Variants in COL5A2 observed in about 807,000 individuals in gnomAD.
The protein encoded by COL5A2 is collagen alpha-2(V) chain.
COL5A2 carries 23 observed loss-of-function variants against 208.2 expected under a neutral mutation model. That is an observed-to-expected ratio of 0.11 (90% CI 0.08 to 0.16). The LOEUF is 0.16. Among genes scored for constraint, COL5A2 ranks in the 10% least tolerant of loss-of-function variants. The probability of loss-of-function intolerance (pLI) is 1.00; values close to 1 mark genes in which losing one functional copy is unlikely to be tolerated. For missense variants in COL5A2, 1,590 were observed against 1,956.4 expected (o/e 0.81, Z 3.53); for synonymous variants, 625 against 628.5 (o/e 0.99, Z 0.08).
the COL5A2 span, among the ~76,000 whole-genome samples, chr2:189,366,843 T>A: frequency 9.8e-5 from 15 of 152,316 alleles, no homozygotes; most frequent in African/African-American, 3.6e-4. Context: ...TCTGGAGGTT[T>A]GTGCGTCTTC....
At chr2:189,258,618 A>T in the COL5A2 span, among the ~76,000 whole-genome samples, 3 of 152,196 alleles carry the variant, frequency 2.0e-5, no homozygotes, top group East Asian at 3.8e-4. Flanking sequence ...CCTGTCCTCA[A>T]AATGAAAGAT....
At chr2:189,242,496 G>A in the COL5A2 span, among the ~76,000 whole-genome samples, 1 of 151,940 alleles carries the variant, frequency 6.6e-6, no homozygotes, top group African/African-American at 2.4e-5. Flanking sequence ...ACACACACAT[G>A]ACCTTCTGGT....
intron 16 of COL5A2, among the ~76,000 whole-genome samples, chr2:189,078,000 T>C (rs1429128868): frequency 1.3e-5 from 2 of 152,174 alleles, no homozygotes; most frequent in Non-Finnish European, 2.9e-5. Context: ...GTTACATAAA[T>C]AGTCTGCAAG....
chr2:189,308,860 T>C, the COL5A2 span, among the ~76,000 whole-genome samples: 1 of 152,118 alleles, frequency 6.6e-6, no homozygotes, highest in Non-Finnish European at 1.5e-5. Context: ...CCCTAAAACA[T>C]ATAAAACCAA....
At chr2:189,280,713 T>C in the COL5A2 span, among the ~76,000 whole-genome samples, 8 of 152,118 alleles carry the variant, frequency 5.3e-5, no homozygotes, top group Non-Finnish European at 1.0e-4. Context: ...ATTTCTTATA[T>C]TGAATAAGTC....
the COL5A2 span, among the ~76,000 whole-genome samples, chr2:189,419,868 AGAGGAG>A: frequency 4.4e-3 from 641 of 146,642 alleles, 2 homozygotes; most frequent in Admixed American, 8.5e-3. Flanking sequence ...AGGTGAGAGG[AGAGGAG>A]GAGGAGGAGG....
chr2:189,163,463 T>G (rs1240915300), intron 1 of COL5A2, among the ~76,000 whole-genome samples: 1 of 152,216 alleles, frequency 6.6e-6, no homozygotes, highest in African/African-American at 2.4e-5. Context: ...TATTTTGAAT[T>G]TTTTTTACAA....
chr2:189,175,896 A>T (rs1297615397), intron 1 of COL5A2, among the ~76,000 whole-genome samples: 1 of 152,184 alleles, frequency 6.6e-6, no homozygotes, highest in South Asian at 2.1e-4. Flanking sequence ...GTTCTGCTAC[A>T]TGTACCCACT....
the COL5A2 span, among the ~76,000 whole-genome samples, chr2:189,350,674 G>A: frequency 6.2e-4 from 94 of 152,172 alleles, no homozygotes; most frequent in Non-Finnish European, 1.6e-4. Context: ...TTTCAGCCGG[G>A]CCAAGAGAAT....
the COL5A2 span, among the ~76,000 whole-genome samples, chr2:189,326,392 T>A: frequency 6.6e-6 from 1 of 152,092 alleles, no homozygotes; most frequent in Admixed American, 6.6e-5. Context: ...TTCTAAGATA[T>A]TTAGACAAGA....
chr2:189,046,952 T>A (rs1233687854), intron 45 of COL5A2, among the ~76,000 whole-genome samples: 1 of 151,994 alleles, frequency 6.6e-6, no homozygotes, highest in African/African-American at 2.4e-5. Context: ...TGAAACCCAG[T>A]CTCTATTAAA....
chr2:189,346,946 A>G, the COL5A2 span, among the ~76,000 whole-genome samples: 1 of 152,186 alleles, frequency 6.6e-6, no homozygotes, highest in East Asian at 1.9e-4. Context: ...CCACCAACTA[A>G]CGCTTAGGAG....
At chr2:189,357,447 G>A in the COL5A2 span, among the ~76,000 whole-genome samples, 1 of 152,162 alleles carries the variant, frequency 6.6e-6, no homozygotes, top group Non-Finnish European at 1.5e-5. Flanking sequence ...CAGTCTGGCT[G>A]CAGCGGCCTT....
chr2:189,072,076 T>A lies in COL5A2; in HGVS notation c.1122A>T (p.Pro374=), dbSNP rs767981924. ...GATTTCCTGGAAAACCAGAAGAGCC[T>A]GGTATCCCAAGAGGACCCTATTAAA... is the stretch of plus-strand genomic sequence containing the variant. ...KPGPMGPLGI[P]GSSGFPGNPG... The change falls in exon 18 of 54, where the codon CCA becomes CCT. Residue 374 remains proline (P), a synonymous_variant. Transcript: ENST00000374866. 6.2e-7 allele frequency: 1 copy of A among 1,608,748 alleles called. No homozygotes were observed.
At chr2:189,431,786 CAGA>C in the COL5A2 span, among the ~76,000 whole-genome samples, 1 of 152,106 alleles carries the variant, frequency 6.6e-6, no homozygotes, top group Non-Finnish European at 1.5e-5. Flanking sequence ...GGATATTATC[CAGA>C]AGAACTTCCC....
chr2:189,043,863 T>G (rs1210770107), intron 47 of COL5A2, among the ~76,000 whole-genome samples: 2 of 152,264 alleles, frequency 1.3e-5, no homozygotes, highest in African/African-American at 2.4e-5. Context: ...TGTAACCAAA[T>G]CCAGTGATCT....
chr2:189,088,072 A>G (rs1473811799), intron 8 of COL5A2, among the ~76,000 whole-genome samples: 2 of 152,174 alleles, frequency 1.3e-5, no homozygotes, highest in Admixed American at 1.3e-4. Flanking sequence ...TTAACCTGGA[A>G]TTATTTTGAA....
the COL5A2 span, among the ~76,000 whole-genome samples, chr2:189,374,938 T>C: frequency 1.6e-4 from 24 of 151,992 alleles, no homozygotes; most frequent in African/African-American, 5.1e-4. Flanking sequence ...AATATGACCA[T>C]ATAGGAGATT....
At chr2:189,408,529 T>C in the COL5A2 span, among the ~76,000 whole-genome samples, 12 of 152,196 alleles carry the variant, frequency 7.9e-5, no homozygotes, top group Admixed American at 3.9e-4. Flanking sequence ...GGAAAGCAAC[T>C]CAGAGAATAA....
Sources: allele counts gnomAD v4.1 joint callset (sites outside exome capture counted in the v4.1 genomes callset), GRCh38; gene constraint gnomAD v4.1.1; transcripts MANE v1.5; gene names NCBI Gene and HGNC (gene_info 2026-07-23, HGNC 2026-07-21).